HS3ST4: variants seen among roughly 807,000 people sequenced by gnomAD.
HS3ST4 encodes heparan sulfate-glucosamine 3-sulfotransferase 4.
HS3ST4 carries 17 observed loss-of-function variants against 29.2 expected under a neutral mutation model. The observed-to-expected ratio is 0.58, with a 90% confidence interval of 0.40 to 0.87. The LOEUF (loss-of-function observed/expected upper bound fraction) is 0.87, where lower values mean the gene tolerates loss of function less well. HS3ST4 is among the 40% of genes least tolerant of loss of function. The probability of loss-of-function intolerance (pLI) is 0.00; values close to 1 mark genes in which losing one functional copy is unlikely to be tolerated. For missense variants in HS3ST4, 627 were observed against 634.5 expected (o/e 0.99, Z 0.13); for synonymous variants, 314 against 285.7 (o/e 1.10, Z -1.00).
chr16:26,131,199 T>G (rs1899414237), intron 1 of HS3ST4, among the ~76,000 whole-genome samples: 1 of 152,148 alleles, frequency 6.6e-6, no homozygotes, highest in African/African-American at 2.4e-5. Flanking sequence ...TCTCTCTTTC[T>G]CTCCTAAAAT....
chr16:25,967,920 G>C (rs1263084717), intron 1 of HS3ST4, among the ~76,000 whole-genome samples: 1 of 152,194 alleles, frequency 6.6e-6, no homozygotes, highest in Admixed American at 6.5e-5. Context: ...GCTCTAATCT[G>C]CCTGTGACTA....
intron 1 of HS3ST4, among the ~76,000 whole-genome samples, chr16:25,717,630 A>G (rs1966464785): frequency 6.6e-6 from 1 of 151,932 alleles, no homozygotes; most frequent in Non-Finnish European, 1.5e-5. Context: ...TGGAAAAACT[A>G]AAAGCTCAGA....
chr16:25,945,607 A>G (rs1968618291), intron 1 of HS3ST4, among the ~76,000 whole-genome samples: 1 of 152,208 alleles, frequency 6.6e-6, no homozygotes, highest in Non-Finnish European at 1.5e-5. Flanking sequence ...CTACTACTGC[A>G]ATGTCCTCGC....
chr16:26,044,033 G>T (rs1898236239), intron 1 of HS3ST4, among the ~76,000 whole-genome samples: 1 of 152,208 alleles, frequency 6.6e-6, no homozygotes, highest in Non-Finnish European at 1.5e-5. Flanking sequence ...GCACAGAGAA[G>T]TTTGACAAAT....
intron 1 of HS3ST4, among the ~76,000 whole-genome samples, chr16:25,746,326 A>AT (rs577647811): frequency 2.8e-3 from 423 of 152,300 alleles, no homozygotes; most frequent in African/African-American, 9.9e-3. Flanking sequence ...TCAGAGAATG[A>AT]TTTTCAGGTC....
At chr16:26,067,108 G>A (rs1218449538) in intron 1 of HS3ST4, among the ~76,000 whole-genome samples, 5 of 152,144 alleles carry the variant, frequency 3.3e-5, no homozygotes, top group East Asian at 3.9e-4. Flanking sequence ...GCCCAGAGGG[G>A]TGGTTTGTCC....
intron 1 of HS3ST4, among the ~76,000 whole-genome samples, chr16:25,763,732 G>C (rs941855572): frequency 1.3e-5 from 2 of 152,176 alleles, no homozygotes; most frequent in Non-Finnish European, 2.9e-5. Flanking sequence ...AGGGGCAAGA[G>C]GTGTGGCTAA....
At chr16:25,912,295 C>T (rs1461464339) in intron 1 of HS3ST4, among the ~76,000 whole-genome samples, 1 of 152,286 alleles carries the variant, frequency 6.6e-6, no homozygotes, top group South Asian at 2.1e-4. Flanking sequence ...GTTATGCTCT[C>T]GCTACCATCT....
intron 1 of HS3ST4, among the ~76,000 whole-genome samples, chr16:26,014,486 C>T (rs1969343903): frequency 6.6e-6 from 1 of 152,092 alleles, no homozygotes; most frequent in Non-Finnish European, 1.5e-5. Context: ...CATTTCACAC[C>T]CTCCTCTGAC....
chr16:25,816,932 C>A (rs74014110), intron 1 of HS3ST4, among the ~76,000 whole-genome samples: 3,628 of 152,200 alleles, frequency 0.024, 105 homozygotes, highest in East Asian at 0.1. Context: ...AATCCATTAA[C>A]CCATGAATGG....
intron 1 of HS3ST4, among the ~76,000 whole-genome samples, chr16:26,034,527 A>T (rs1481778812): frequency 6.6e-6 from 1 of 151,904 alleles, no homozygotes; most frequent in East Asian, 1.9e-4. Flanking sequence ...GAATACCCCA[A>T]ATTACCATTT....
At chr16:25,969,596 A>T (rs1184622652) in intron 1 of HS3ST4, among the ~76,000 whole-genome samples, 1 of 152,038 alleles carries the variant, frequency 6.6e-6, no homozygotes, top group Non-Finnish European at 1.5e-5. Context: ...GCCTGGGACA[A>T]CTCTCTTAGC....
At chr16:25,976,119 C>T (rs990610599) in intron 1 of HS3ST4, among the ~76,000 whole-genome samples, 2 of 152,106 alleles carry the variant, frequency 1.3e-5, no homozygotes, top group Non-Finnish European at 2.9e-5. Flanking sequence ...AAAACTGTAC[C>T]CTCAACAGCA....
chr16:26,090,639 C>A (rs1217884766), intron 1 of HS3ST4, among the ~76,000 whole-genome samples: 2 of 152,102 alleles, frequency 1.3e-5, no homozygotes, highest in East Asian at 3.9e-4. Flanking sequence ...CTTGGAGACC[C>A]TCGGGGCCCA....
chr16:25,886,192 C>T (rs1480171523), intron 1 of HS3ST4, among the ~76,000 whole-genome samples: 1 of 151,912 alleles, frequency 6.6e-6, no homozygotes, highest in East Asian at 1.9e-4. Flanking sequence ...GCCACCATGC[C>T]TGGCTAATTT....
intron 1 of HS3ST4, among the ~76,000 whole-genome samples, chr16:25,764,804 G>A (rs1966807768): frequency 6.6e-6 from 1 of 152,226 alleles, no homozygotes. Flanking sequence ...CACTTGCATG[G>A]CCATGAACAT....
intron 1 of HS3ST4, among the ~76,000 whole-genome samples, chr16:25,912,421 C>A (rs1231508255): frequency 6.6e-6 from 1 of 152,186 alleles, no homozygotes; most frequent in South Asian, 2.1e-4. Context: ...CCCTTATTCA[C>A]TCTTCACTCC....
intron 1 of HS3ST4, among the ~76,000 whole-genome samples, chr16:26,106,022 G>T (rs1899051245): frequency 6.6e-6 from 1 of 152,190 alleles, no homozygotes; most frequent in African/African-American, 2.4e-5. Context: ...ATGGAAGAAA[G>T]ATAAAATGAA....
At chr16:25,996,199 A>T (rs2141731155) in intron 1 of HS3ST4, among the ~76,000 whole-genome samples, 1 of 152,270 alleles carries the variant, frequency 6.6e-6, no homozygotes, top group Middle Eastern at 3.4e-3. Context: ...TGACAGCCCT[A>T]TACCTGATAT....
Sources: gnomAD v4.1 joint callset for allele counts (sites outside exome capture counted in the v4.1 genomes callset) on GRCh38, gnomAD v4.1.1 for gene constraint, MANE v1.5 for transcripts, NCBI Gene and HGNC (gene_info 2026-07-23, HGNC 2026-07-21) for gene names.